Variants in FTCDNL1 observed in about 807,000 individuals in gnomAD.
FTCDNL1 encodes formiminotransferase cyclodeaminase N-terminal like, also known as formiminotransferase N-terminal subdomain-containing protein.
In FTCDNL1, 11 loss-of-function variants were observed where a neutral mutation model predicts 5.9. That is an observed-to-expected ratio of 1.87 (90% CI 1.18 to 3.10). FTCDNL1 has a LOEUF of 3.10. Among genes scored for constraint, FTCDNL1 ranks in the 30% most tolerant of loss-of-function variants. The probability of loss-of-function intolerance (pLI) is 0.00; values close to 1 mark genes in which losing one functional copy is unlikely to be tolerated. For synonymous variants in FTCDNL1, 58 were observed against 24.8 expected (o/e 2.34, Z -3.99); for missense variants, 115 against 65.5 (o/e 1.76, Z -2.61).
At chr2:199,840,870 T>C (rs2076566208) in intron 3 of FTCDNL1, among the ~76,000 whole-genome samples, 1 of 152,046 alleles carries the variant, frequency 6.6e-6, no homozygotes, top group Non-Finnish European at 1.5e-5. Context: ...TTTAGAGACC[T>C]GGCTAGGGGC....
At chr2:199,672,383 A>C in the FTCDNL1 span, among the ~76,000 whole-genome samples, 1 of 152,246 alleles carries the variant, frequency 6.6e-6, no homozygotes, top group Non-Finnish European at 1.5e-5. Context: ...ATGTTTTGAA[A>C]AGCATGATGC....
chr2:199,816,086 C>T (rs1701336943), intron 4 of FTCDNL1, among the ~76,000 whole-genome samples: 2 of 152,022 alleles, frequency 1.3e-5, no homozygotes, highest in Non-Finnish European at 2.9e-5. Flanking sequence ...ATTAAGGTAA[C>T]CTAATATTTT....
At chr2:199,750,144 A>C in the FTCDNL1 span, among the ~76,000 whole-genome samples, 4 of 151,750 alleles carry the variant, frequency 2.6e-5, no homozygotes, top group African/African-American at 4.8e-5. Context: ...TCTTGAGCCC[A>C]GGAGTTCGAG....
chr2:199,754,180 T>C, the FTCDNL1 span, among the ~76,000 whole-genome samples: 1 of 152,266 alleles, frequency 6.6e-6, no homozygotes, highest in Admixed American at 6.5e-5. Context: ...CTGTAAATAA[T>C]ACAATTCGTA....
the FTCDNL1 span, among the ~76,000 whole-genome samples, chr2:199,705,659 C>A: frequency 6.6e-6 from 1 of 152,120 alleles, no homozygotes; most frequent in Non-Finnish European, 1.5e-5. Flanking sequence ...TGCCTTGTTT[C>A]CTACCTTAAA....
At chr2:199,696,181 T>G in the FTCDNL1 span, among the ~76,000 whole-genome samples, 4 of 152,164 alleles carry the variant, frequency 2.6e-5, no homozygotes, top group South Asian at 8.3e-4. Flanking sequence ...ACCCTGCCAC[T>G]AGGGCAAGCG....
intron 3 of FTCDNL1, among the ~76,000 whole-genome samples, chr2:199,793,730 T>C (rs912676961): frequency 2.0e-5 from 3 of 152,186 alleles, no homozygotes; most frequent in Non-Finnish European, 4.4e-5. Flanking sequence ...ACATACGGCA[T>C]TGACATCAAG....
intron 3 of FTCDNL1, among the ~76,000 whole-genome samples, chr2:199,801,465 G>C (rs1240448316): frequency 6.6e-6 from 1 of 151,860 alleles, no homozygotes; most frequent in Non-Finnish European, 1.5e-5. Flanking sequence ...TGGGCAACAT[G>C]GTGAGACTCC....
chr2:199,687,510 G>A, the FTCDNL1 span, among the ~76,000 whole-genome samples: 3 of 152,182 alleles, frequency 2.0e-5, no homozygotes, highest in Non-Finnish European at 1.5e-5. Context: ...CAGCTCACAG[G>A]TGAGCCAGTT....
the FTCDNL1 span, among the ~76,000 whole-genome samples, chr2:199,744,366 C>A: frequency 6.6e-6 from 1 of 151,896 alleles, no homozygotes; most frequent in Non-Finnish European, 1.5e-5. Context: ...TCTGATAGGA[C>A]TAGTGTTGTT....
chr2:199,769,214 G>GA (rs1202592271), intron 3 of FTCDNL1, among the ~76,000 whole-genome samples: 1 of 151,912 alleles, frequency 6.6e-6, no homozygotes, highest in Admixed American at 6.5e-5. Context: ...CTATCTACCA[G>GA]AAAAAAATTG....
At chr2:199,793,960 G>A (rs1670220325) in intron 3 of FTCDNL1, among the ~76,000 whole-genome samples, 1 of 152,182 alleles carries the variant, frequency 6.6e-6, no homozygotes. Context: ...GTGGCATAAA[G>A]AGTAAAAGCT....
intron 3 of FTCDNL1, among the ~76,000 whole-genome samples, chr2:199,773,402 C>T (rs1698907606): frequency 6.6e-6 from 1 of 152,160 alleles, no homozygotes; most frequent in South Asian, 2.1e-4. Flanking sequence ...CTACCTTGAC[C>T]CTGTATCCAG....
At chr2:199,842,822 TGGTTTCTCTGG>T (rs1206512660) in intron 3 of FTCDNL1, among the ~76,000 whole-genome samples, 1 of 152,130 alleles carries the variant, frequency 6.6e-6, no homozygotes, top group African/African-American at 2.4e-5. Context: ...ATGTTAAAGC[TGGTTTCTCTGG>T]GAAAGCCTTA....
At chr2:199,783,749 C>T (rs1025020606) in intron 3 of FTCDNL1, among the ~76,000 whole-genome samples, 1 of 152,016 alleles carries the variant, frequency 6.6e-6, no homozygotes, top group Non-Finnish European at 1.5e-5. Context: ...GCAAGCCCAG[C>T]ACTTCTCTAG....
At chr2:199,776,005 C>T (rs948331563) in intron 3 of FTCDNL1, among the ~76,000 whole-genome samples, 54 of 151,820 alleles carry the variant, frequency 3.6e-4, no homozygotes, top group African/African-American at 1.2e-3. Context: ...GCTCCACCTC[C>T]CAGGTTCACG....
chr2:199,846,237 C>G, intron 2 of FTCDNL1, 67 bp from the exon 3 acceptor site: 1 of 619,738 alleles, frequency 1.6e-6, no homozygotes, highest in South Asian at 1.9e-5. Flanking sequence ...TAGTTAATTT[C>G]TTCTGGTATA....
intron 3 of FTCDNL1, among the ~76,000 whole-genome samples, chr2:199,774,972 G>A (rs1242093885): frequency 6.6e-6 from 1 of 152,148 alleles, no homozygotes; most frequent in African/African-American, 2.4e-5. Context: ...CAAACCCTGA[G>A]ATATTTAAGT....
chr2:199,759,502 G>A (rs1428401228), downstream of FTCDNL1, among the ~76,000 whole-genome samples: 3 of 151,986 alleles, frequency 2.0e-5, no homozygotes, highest in African/African-American at 4.8e-5. Flanking sequence ...AGTTAACCCC[G>A]AAGTCCTTTT....
Sources: allele counts gnomAD v4.1 joint callset (sites outside exome capture counted in the v4.1 genomes callset), GRCh38; gene constraint gnomAD v4.1.1; transcripts MANE v1.5; gene names NCBI Gene and HGNC (gene_info 2026-07-23, HGNC 2026-07-21).